Variants in EPHA6 observed in about 807,000 individuals in gnomAD.
The protein encoded by EPHA6 is EPH receptor A6.
EPHA6 carries 50 observed loss-of-function variants against 112.0 expected under a neutral mutation model. The observed-to-expected ratio is 0.45, with a 90% confidence interval of 0.36 to 0.56. EPHA6 has a LOEUF of 0.56. EPHA6 is among the 20% of genes least tolerant of loss of function. The probability of loss-of-function intolerance (pLI) is 0.00; values close to 1 mark genes in which losing one functional copy is unlikely to be tolerated. For missense variants in EPHA6, 1,280 were observed against 1,417.4 expected (o/e 0.90, Z 1.56); for synonymous variants, 529 against 490.7 (o/e 1.08, Z -1.03).
At chr3:96,940,508 G>A (rs981239593) in intron 2 of EPHA6, among the ~76,000 whole-genome samples, 2 of 152,044 alleles carry the variant, frequency 1.3e-5, no homozygotes, top group Non-Finnish European at 2.9e-5. Flanking sequence ...ACGTGAGATG[G>A]GTTTCCTGAA....
chr3:97,394,505 G>A (rs964660387), intron 5 of EPHA6, among the ~76,000 whole-genome samples: 4 of 151,772 alleles, frequency 2.6e-5, no homozygotes, highest in Middle Eastern at 6.4e-3. Context: ...GGGAGAAAAT[G>A]TTTGTAAACT....
At chr3:97,577,790 C>T (rs190940613) in intron 11 of EPHA6, among the ~76,000 whole-genome samples, 145 of 152,004 alleles carry the variant, frequency 9.5e-4, no homozygotes, top group African/African-American at 2.6e-3. Flanking sequence ...TTATCTTTTC[C>T]GGTTTTTTGT....
intron 5 of EPHA6, among the ~76,000 whole-genome samples, chr3:97,382,137 CTGA>C (rs1430925275): frequency 1.3e-5 from 2 of 152,038 alleles, no homozygotes; most frequent in African/African-American, 2.4e-5. Flanking sequence ...TTAAATGAGT[CTGA>C]TAAGTATACA....
intron 2 of EPHA6, among the ~76,000 whole-genome samples, chr3:96,895,324 A>C (rs2038208957): frequency 6.6e-6 from 1 of 152,170 alleles, no homozygotes; most frequent in Non-Finnish European, 1.5e-5. Flanking sequence ...GTAAAGAAAA[A>C]AGTATTTTTG....
At chr3:97,673,171 T>C (rs2031021860) in intron 14 of EPHA6, among the ~76,000 whole-genome samples, 1 of 152,228 alleles carries the variant, frequency 6.6e-6, no homozygotes, top group Non-Finnish European at 1.5e-5. Context: ...TTCTGTTTCC[T>C]TTCCTTGAAG....
At chr3:97,261,881 A>C (rs532120855) in intron 5 of EPHA6, among the ~76,000 whole-genome samples, 6 of 152,200 alleles carry the variant, frequency 3.9e-5, no homozygotes, top group Non-Finnish European at 8.8e-5. Flanking sequence ...TGTCAAGATT[A>C]TATAGTTAAT....
chr3:97,589,810 C>T lies in EPHA6; in HGVS notation c.2387-2802C>T, dbSNP rs6775762. ...TTAACAAATACTCCACGGAATGTAACTAAAAACAAAATATTCGTGGAAGCA... is the reference window on the plus strand; with the variant it reads ...TTAACAAATACTCCACGGAATGTAATTAAAAACAAAATATTCGTGGAAGCA... On this transcript the variant is annotated intron_variant, in intron 11 of 17. Coordinates refer to ENST00000389672, the MANE Select transcript of EPHA6 (RefSeq NM_001080448.3). Among the ~76,000 whole-genome samples the T allele has an allele frequency of 8.0e-3, 1,217 of 152,246 alleles. 19 individuals are homozygous for T. The highest frequency in any genetic ancestry group is 0.028 in the African/African-American group (1,165 of 41,542).
At chr3:97,486,736 C>T (rs1228441794) in intron 10 of EPHA6, among the ~76,000 whole-genome samples, 1 of 152,126 alleles carries the variant, frequency 6.6e-6, no homozygotes, top group Non-Finnish European at 1.5e-5. Flanking sequence ...CTTGAGGGGA[C>T]ACATTCAAAC....
chr3:97,133,203 G>C (rs2075681099), intron 3 of EPHA6, among the ~76,000 whole-genome samples: 2 of 151,998 alleles, frequency 1.3e-5, no homozygotes, highest in Admixed American at 6.6e-5. Context: ...GAAATAGGCA[G>C]ACAAAGTAGG....
chr3:97,690,299 C>A (rs1250992310), intron 14 of EPHA6, among the ~76,000 whole-genome samples: 1 of 152,198 alleles, frequency 6.6e-6, no homozygotes, highest in Non-Finnish European at 1.5e-5. Context: ...GACATCCTGG[C>A]TAACACCTGT....
intron 1 of EPHA6, among the ~76,000 whole-genome samples, chr3:96,842,916 G>A (rs7652588): frequency 0.013 from 2,019 of 152,070 alleles, 50 homozygotes; most frequent in African/African-American, 0.045. Flanking sequence ...ATCTATGCCA[G>A]CTTTTCTCCC....
At chr3:96,979,372 A>G (rs1292363781) in intron 2 of EPHA6, among the ~76,000 whole-genome samples, 1 of 152,106 alleles carries the variant, frequency 6.6e-6, no homozygotes, top group Admixed American at 6.6e-5. Context: ...CCTACAAAGG[A>G]CATGAACTCA....
intron 1 of EPHA6, among the ~76,000 whole-genome samples, chr3:96,828,867 C>G (rs2107261377): frequency 6.6e-6 from 1 of 152,230 alleles, no homozygotes; most frequent in South Asian, 2.1e-4. Context: ...TTTTAGCAAC[C>G]AGATAATTAA....
chr3:97,439,359 A>G (rs576784336), intron 6 of EPHA6, among the ~76,000 whole-genome samples: 1 of 152,256 alleles, frequency 6.6e-6, no homozygotes, highest in East Asian at 1.9e-4. Flanking sequence ...CATTTTTCTT[A>G]CTTATACATA....
chr3:97,088,211 G>A (rs1466576748), intron 3 of EPHA6, among the ~76,000 whole-genome samples: 2 of 151,980 alleles, frequency 1.3e-5, no homozygotes, highest in African/African-American at 4.8e-5. Flanking sequence ...CTCAATTGAA[G>A]AAACATGTTA....
chr3:97,721,533 A>G (rs2034525570), intron 15 of EPHA6, among the ~76,000 whole-genome samples: 2 of 152,206 alleles, frequency 1.3e-5, no homozygotes, highest in Non-Finnish European at 2.9e-5. Context: ...AAGTTAACGT[A>G]GCAGCAGGTT....
At chr3:96,902,196 T>C (rs887528710) in intron 2 of EPHA6, among the ~76,000 whole-genome samples, 5 of 152,214 alleles carry the variant, frequency 3.3e-5, no homozygotes, top group African/African-American at 1.2e-4. Flanking sequence ...AGAGCAGGTA[T>C]ACTTGTTAAA....
chr3:97,026,203 G>A (rs1172657752), intron 3 of EPHA6, among the ~76,000 whole-genome samples: 1 of 149,690 alleles, frequency 6.7e-6, no homozygotes, highest in Non-Finnish European at 1.5e-5. Context: ...GTAGGGTAGT[G>A]TGATGCCTCC....
Position 97,670,581 on chromosome 3 carries a change from T to G in EPHA6, c.2784+32499T>G, listed in dbSNP as rs536486193. 2.3e-4 allele frequency among the ~76,000 whole-genome samples: 35 copies of G among 152,316 alleles called. No homozygotes were observed. The East Asian group carries it at 3.1e-3, about 13-fold the overall frequency. On this transcript the variant is annotated intron_variant, in intron 14 of 17. Transcript: ENST00000389672. ...CTATTCTTACTCAGTGGAAGACTCT[T>G]GTATAGCTGCAGCTGTCTGGTTGTG... is the stretch of plus-strand genomic sequence containing the variant.
Sources: gnomAD v4.1 joint callset for allele counts (sites outside exome capture counted in the v4.1 genomes callset) on GRCh38, gnomAD v4.1.1 for gene constraint, MANE v1.5 for transcripts, NCBI Gene and HGNC (gene_info 2026-07-23, HGNC 2026-07-21) for gene names.